MACROD2: variants seen among roughly 807,000 people sequenced by gnomAD.
MACROD2 encodes the protein ADP-ribose glycohydrolase MACROD2.
Under a neutral mutation model 70.4 loss-of-function variants are expected in MACROD2, and 36 were observed. The observed-to-expected ratio is 0.51, with a 90% CI of 0.39 to 0.68. The LOEUF is 0.68. Among genes scored for constraint, MACROD2 ranks in the 30% least tolerant of loss-of-function variants. MACROD2 has a pLI of 0.00. For synonymous variants in MACROD2, 172 were observed against 178.8 expected, an observed-to-expected ratio of 0.96 and a Z score of 0.30; for missense variants, 496 against 538.4, an observed-to-expected ratio of 0.92 and a Z score of 0.78.
At chr20:14,452,540 G>C (rs1294925216) in intron 3 of MACROD2, among the ~76,000 whole-genome samples, 3 of 152,078 alleles carry the variant, frequency 2.0e-5, no homozygotes, top group Non-Finnish European at 4.4e-5. Context: ...ACCAACTTAA[G>C]AAGAAGCTAA....
intron 3 of MACROD2, among the ~76,000 whole-genome samples, chr20:14,304,668 C>T (rs971356202): frequency 9.2e-5 from 14 of 152,162 alleles, no homozygotes; most frequent in African/African-American, 4.8e-5. Context: ...CTCTGAACTC[C>T]TAGTACTGGG....
intron 8 of MACROD2, among the ~76,000 whole-genome samples, chr20:15,634,813 A>C (rs548363137): frequency 3.9e-5 from 6 of 152,342 alleles, no homozygotes; most frequent in Admixed American, 1.3e-4. Flanking sequence ...ACTCCTTTGC[A>C]GCTAGGGTTC....
At chr20:14,265,523 T>G (rs1338150614) in intron 3 of MACROD2, among the ~76,000 whole-genome samples, 1 of 147,572 alleles carries the variant, frequency 6.8e-6, no homozygotes, top group Non-Finnish European at 1.5e-5. Flanking sequence ...TTACAATAAA[T>G]TTTTACAATA....
chr20:14,230,645 AT>A lies in MACROD2; in HGVS notation c.271+144918del, dbSNP rs1200794412. Among the ~76,000 whole-genome samples the A allele has an allele frequency of 6.6e-4, 45 of 67,748 alleles. 4 individuals carry two copies. Among genetic ancestry groups the A allele is most frequent in the African/African-American group, 1.3e-3 (16 of 12,148 alleles). The allele number at this position is 67,748 out of a possible 152,430, so 44.4% of individuals were successfully genotyped here. Reference sequence around the variant, plus strand: ...CTCATTCATGTTTATATATATATATATATATATATAACACAGGCTGGGCCTA... The same window carrying A: ...CTCATTCATGTTTATATATATATATAATATATATAACACAGGCTGGGCCTA... On this transcript the variant is annotated intron_variant, in intron 3 of 17. Transcript: ENST00000684519.
intron 3 of MACROD2, among the ~76,000 whole-genome samples, chr20:14,280,365 T>C (rs1397765675): frequency 1.3e-5 from 2 of 152,340 alleles, no homozygotes; most frequent in South Asian, 4.1e-4. Flanking sequence ...ATGTGCTTTT[T>C]AATAGGAAAT....
At chr20:14,798,806 C>T (rs2072540928) in intron 5 of MACROD2, among the ~76,000 whole-genome samples, 1 of 151,856 alleles carries the variant, frequency 6.6e-6, no homozygotes, top group Admixed American at 6.6e-5. Context: ...AATAATGAGA[C>T]ATTTATAAGT....
chr20:15,088,400 TATA>T (rs2075765409), intron 5 of MACROD2, among the ~76,000 whole-genome samples: 255 of 7,382 alleles, frequency 0.035, 2 homozygotes, highest in South Asian at 0.057. Context: ...CTATATTTTA[TATA>T]TATATATATA....
intron 5 of MACROD2, among the ~76,000 whole-genome samples, chr20:15,116,796 C>G (rs1367976661): frequency 6.6e-6 from 1 of 152,136 alleles, no homozygotes; most frequent in Non-Finnish European, 1.5e-5. Context: ...CATAAAGCTT[C>G]TGGTCAACAG....
chr20:15,363,843 C>G (rs905988384), intron 6 of MACROD2, among the ~76,000 whole-genome samples: 1 of 152,128 alleles, frequency 6.6e-6, no homozygotes, highest in African/African-American at 2.4e-5. Context: ...AACGGCTTCA[C>G]GATCCCATAT....
intron 5 of MACROD2, among the ~76,000 whole-genome samples, chr20:14,738,403 G>A (rs16994866): frequency 0.14 from 21,685 of 151,846 alleles, 2,015 homozygotes; most frequent in East Asian, 0.23. Context: ...TTTTGAAACC[G>A]ACACCTTCAA....
At chr20:15,955,415 C>G (rs139689101) in intron 12 of MACROD2, among the ~76,000 whole-genome samples, 29 of 152,274 alleles carry the variant, frequency 1.9e-4, no homozygotes, top group African/African-American at 6.7e-4. Context: ...GTACCATTCT[C>G]TTTCATCCTC....
At chr20:15,887,653 T>A (rs957031966) in intron 10 of MACROD2, among the ~76,000 whole-genome samples, 38 of 152,306 alleles carry the variant, frequency 2.5e-4, no homozygotes, top group African/African-American at 8.7e-4. Context: ...TGTTCTATTC[T>A]AATGCTGTCT....
intron 5 of MACROD2, among the ~76,000 whole-genome samples, chr20:14,911,872 T>C (rs1237256102): frequency 6.6e-6 from 1 of 152,150 alleles, no homozygotes; most frequent in Non-Finnish European, 1.5e-5. Flanking sequence ...AACTGAGGCA[T>C]GACGAAGTCT....
At chr20:15,349,056 A>G (rs991450834) in intron 6 of MACROD2, among the ~76,000 whole-genome samples, 1 of 152,148 alleles carries the variant, frequency 6.6e-6, no homozygotes, top group African/African-American at 2.4e-5. Flanking sequence ...CCTTCACAGG[A>G]CAGAAGCATT....
intron 3 of MACROD2, among the ~76,000 whole-genome samples, chr20:14,201,700 C>T (rs539444933): frequency 3.9e-5 from 6 of 152,026 alleles, no homozygotes; most frequent in South Asian, 2.1e-4. Context: ...ATTAGCCAGG[C>T]GTGGTGGTGG....
At chr20:14,485,144 G>A (rs1167784502) in intron 3 of MACROD2, among the ~76,000 whole-genome samples, 1 of 151,768 alleles carries the variant, frequency 6.6e-6, no homozygotes, top group Non-Finnish European at 1.5e-5. Context: ...GCCCCAGTAT[G>A]TGGATACACA....
chr20:14,004,802 TAAAA>T (rs1237552961), intron 2 of MACROD2, among the ~76,000 whole-genome samples: 1 of 152,138 alleles, frequency 6.6e-6, no homozygotes, highest in African/African-American at 2.4e-5. Context: ...AACTAAGTAT[TAAAA>T]GAATTCTATA....
At chr20:15,229,492 T>C (rs1229337154) in intron 5 of MACROD2, among the ~76,000 whole-genome samples, 1 of 152,200 alleles carries the variant, frequency 6.6e-6, no homozygotes, top group Non-Finnish European at 1.5e-5. Flanking sequence ...TTCTTTATTG[T>C]GTACAATGCC....
chr20:14,768,229 G>A (rs1348306323), intron 5 of MACROD2, among the ~76,000 whole-genome samples: 1 of 152,032 alleles, frequency 6.6e-6, no homozygotes, highest in East Asian at 1.9e-4. Context: ...CTTCCACAAT[G>A]GCTGAAGTAA....
Sources: gnomAD v4.1 joint callset for allele counts (sites outside exome capture counted in the v4.1 genomes callset) on GRCh38, gnomAD v4.1.1 for gene constraint, MANE v1.5 for transcripts, NCBI Gene and HGNC (gene_info 2026-07-23, HGNC 2026-07-21) for gene names.